Variants in CACHD1 observed in about 807,000 individuals in gnomAD.
CACHD1 encodes VWFA and cache domain-containing protein 1.
A neutral mutation model predicts 138.7 loss-of-function variants in CACHD1; 71 were observed. That is an observed-to-expected ratio of 0.51 (90% CI 0.42 to 0.62). The LOEUF is 0.62. Among genes scored for constraint, CACHD1 ranks in the 20% least tolerant of loss-of-function variants. The probability of loss-of-function intolerance (pLI) is 0.00; values close to 1 mark genes in which losing one functional copy is unlikely to be tolerated. For missense variants in CACHD1, 1,389 were observed against 1,625.3 expected (o/e 0.85, Z 2.50); for synonymous variants, 578 against 591.5 (o/e 0.98, Z 0.33).
chr1:64,510,089 T>A (rs1262017912), intron 1 of CACHD1, among the ~76,000 whole-genome samples: 2 of 152,144 alleles, frequency 1.3e-5, no homozygotes, highest in African/African-American at 4.8e-5. Flanking sequence ...TTAAGGAAAA[T>A]TTTAATGGGA....
rs768259419 is a variant in CACHD1 at position 64,634,070 on chromosome 1, C to T, written c.816C>T (p.Thr272=). The change falls in exon 7 of 27, where the codon ACC becomes ACT. Residue 272 remains threonine, a synonymous_variant. Transcript: ENST00000651257. ...DKISVLTVAD[T]VRTCSLDQCY... The stretch of plus-strand genomic sequence containing the variant: ...TTTCTGTGTTAACTGTGGCAGATAC[C>T]GTCCGGACTTGCTCACTAGACCAGT... 1.9e-5 allele frequency: 30 copies of T among 1,611,090 alleles called. No individual in the cohort carries two copies. The highest frequency in any genetic ancestry group is 4.5e-5 in the East Asian group (2 of 44,792).
chr1:64,646,255 T>C (rs541307311), intron 8 of CACHD1, among the ~76,000 whole-genome samples: 1 of 152,290 alleles, frequency 6.6e-6, no homozygotes, highest in African/African-American at 2.4e-5. Context: ...GTACCAATCG[T>C]GTCTTTGGTG....
intron 7 of CACHD1, among the ~76,000 whole-genome samples, chr1:64,635,428 G>T (rs1648488429): frequency 1.5e-5 from 2 of 135,180 alleles, no homozygotes; most frequent in South Asian, 4.7e-4. Flanking sequence ...TTGTCACCCA[G>T]CCTGGAGTGT....
chr1:64,588,657 C>A (rs530352099), intron 3 of CACHD1, among the ~76,000 whole-genome samples: 23 of 152,304 alleles, frequency 1.5e-4, no homozygotes, highest in African/African-American at 5.1e-4. Flanking sequence ...GGATTACAGG[C>A]ATGAGCCACC....
chr1:64,691,170 A>T (rs1010769189), intron 26 of CACHD1, among the ~76,000 whole-genome samples, 153 bp from the exon 27 acceptor site: 5 of 152,298 alleles, frequency 3.3e-5, no homozygotes, highest in Admixed American at 2.0e-4. Context: ...CTTTAAAAAT[A>T]AATTACTTTA....
At chr1:64,624,347 G>C (rs1443155151) in intron 4 of CACHD1, among the ~76,000 whole-genome samples, 1 of 152,152 alleles carries the variant, frequency 6.6e-6, no homozygotes, top group African/African-American at 2.4e-5. Flanking sequence ...AAACATTCTT[G>C]CTCCCATTGG....
chr1:64,521,573 C>T (rs1403383380), intron 1 of CACHD1, among the ~76,000 whole-genome samples: 2 of 152,094 alleles, frequency 1.3e-5, no homozygotes, highest in Admixed American at 1.3e-4. Context: ...CAATACTATT[C>T]TATTGTATAG....
At chr1:64,488,075 C>T (rs1356839502) in intron 1 of CACHD1, among the ~76,000 whole-genome samples, 5 of 152,244 alleles carry the variant, frequency 3.3e-5, no homozygotes, top group Admixed American at 2.0e-4. Flanking sequence ...TATGATGATA[C>T]TGAGAAAAGT....
At chr1:64,688,430 A>G (rs1054799834) in intron 26 of CACHD1, among the ~76,000 whole-genome samples, 1 of 151,994 alleles carries the variant, frequency 6.6e-6, no homozygotes, top group African/African-American at 2.4e-5. Flanking sequence ...GGGCATCACT[A>G]TTTGCTCAGT....
intron 3 of CACHD1, among the ~76,000 whole-genome samples, chr1:64,598,010 G>A (rs1647171479): frequency 6.6e-6 from 1 of 152,184 alleles, no homozygotes; most frequent in Non-Finnish European, 1.5e-5. Flanking sequence ...GGCATAAAAT[G>A]CATTCCTGTC....
intron 1 of CACHD1, among the ~76,000 whole-genome samples, chr1:64,487,713 T>C (rs1646251418): frequency 6.6e-6 from 1 of 152,150 alleles, no homozygotes; most frequent in Admixed American, 6.5e-5. Flanking sequence ...AGGAAATGCA[T>C]GGTGGTGTTA....
At chr1:64,533,916 C>G (rs1646609978) in intron 1 of CACHD1, among the ~76,000 whole-genome samples, 1 of 151,700 alleles carries the variant, frequency 6.6e-6, no homozygotes, top group African/African-American at 2.4e-5. Flanking sequence ...CCACATCCGG[C>G]TAATTTTTTT....
At chr1:64,607,660 G>C (rs1024586476) in intron 4 of CACHD1, among the ~76,000 whole-genome samples, 32 of 152,270 alleles carry the variant, frequency 2.1e-4, no homozygotes, top group African/African-American at 7.7e-4. Flanking sequence ...TCCCTGATTA[G>C]GTAAGAGATA....
At chr1:64,550,534 A>G (rs967619789) in intron 1 of CACHD1, 60 bp from the exon 2 acceptor site, 228 of 1,172,056 alleles carry the variant, frequency 1.9e-4, no homozygotes, top group Non-Finnish European at 7.4e-5. Context: ...ATTCACATAC[A>G]CACTCATGTA....
At chr1:64,576,376 T>G (rs970889015) in intron 2 of CACHD1, among the ~76,000 whole-genome samples, 44 of 152,200 alleles carry the variant, frequency 2.9e-4, no homozygotes, top group African/African-American at 1.0e-3. Flanking sequence ...CTCTTCAGTT[T>G]ATTGGATACA....
At chr1:64,575,914 A>G (rs1646963433) in intron 2 of CACHD1, among the ~76,000 whole-genome samples, 1 of 152,244 alleles carries the variant, frequency 6.6e-6, no homozygotes, top group South Asian at 2.1e-4. Context: ...TATGCAAATG[A>G]CAGAAATGTC....
intron 1 of CACHD1, among the ~76,000 whole-genome samples, chr1:64,537,552 A>G (rs940276776): frequency 2.0e-5 from 3 of 152,198 alleles, no homozygotes. Flanking sequence ...TACCAGTGTC[A>G]TAGCTGGATC....
chr1:64,653,819 T>C lies in CACHD1; in HGVS notation c.1602T>C (p.His534=), dbSNP rs1283609140. The part of the protein sequence containing the change: ...RPYLLSEPPL[H]TDIIHYENIP... ...ATTTATTGTCAGAGCCCCCACTTCA[T>C]ACTGACATCATACATTATGAAAATA... The change falls in exon 11 of 27, where the codon CAT becomes CAC. Residue 534 remains histidine (H), a synonymous_variant. Coordinates refer to ENST00000651257, the MANE Select transcript of CACHD1 (RefSeq NM_020925.4). 2 of 1,612,488 alleles carry C rather than the reference T, an allele frequency of 1.2e-6. No homozygotes were observed. Among genetic ancestry groups the C allele is most frequent in the East Asian group, 4.5e-5 (2 of 44,868 alleles).
chr1:64,584,088 A>C (rs112152109), intron 3 of CACHD1, among the ~76,000 whole-genome samples: 2,458 of 152,236 alleles, frequency 0.016, 65 homozygotes, highest in African/African-American at 0.057. Flanking sequence ...AGAAGAAACC[A>C]TTTTCAGGGC....
Sources: allele counts gnomAD v4.1 joint callset (sites outside exome capture counted in the v4.1 genomes callset), GRCh38; gene constraint gnomAD v4.1.1; transcripts MANE v1.5; gene names NCBI Gene and HGNC (gene_info 2026-07-23, HGNC 2026-07-21).